The following VIPR2 variants were observed in gnomAD, a reference collection of about 807,000 sequenced individuals.
The protein encoded by VIPR2 is vasoactive intestinal peptide receptor 2, also known as vasoactive intestinal polypeptide receptor 2.
VIPR2 carries 48 observed loss-of-function variants against 58.0 expected under a neutral mutation model. The ratio of observed to expected loss-of-function variants is 0.83; its 90% CI spans 0.66 to 1.05. The LOEUF is 1.05. Among genes scored for constraint, VIPR2 ranks in the 50% least tolerant of loss-of-function variants. VIPR2 has a pLI of 0.00. For synonymous variants in VIPR2, 243 were observed against 235.2 expected, an observed-to-expected ratio of 1.03 and a Z score of -0.30; for missense variants, 534 against 558.0, an observed-to-expected ratio of 0.96 and a Z score of 0.43.
chr7:159,094,679 G>A (rs562035297), intron 4 of VIPR2, among the ~76,000 whole-genome samples: 3 of 152,212 alleles, frequency 2.0e-5, no homozygotes, highest in South Asian at 2.1e-4. Context: ...AAGATCCTGC[G>A]TGTACACGGC....
rs964663400 is a variant in VIPR2 at position 159,058,657 on chromosome 7, C to T, written c.358-79G>A. 3 of 1,110,306 alleles carry T rather than the reference C, an allele frequency of 2.7e-6. No homozygotes were observed. The African/African-American group carries it at 4.6e-5, about 17-fold the overall frequency. The allele number at this position is 1,110,306 out of a possible 1,614,324, so 68.8% of individuals were successfully genotyped here. A position where few individuals can be genotyped will look rare whatever the true frequency, so the allele number is the denominator to read the frequency against. ...AACAGGAATGGTTCCAGGATCCAGC[C>T]CTGTGCTCTGGCCATGAAGGACTCT... is the stretch of plus-strand genomic sequence containing the variant. On this transcript the variant is annotated intron_variant, in intron 4 of 12. Transcript: ENST00000262178.
At chr7:159,077,004 A>G (rs554408916) in intron 4 of VIPR2, among the ~76,000 whole-genome samples, 3 of 152,336 alleles carry the variant, frequency 2.0e-5, no homozygotes, top group Admixed American at 2.0e-4. Context: ...TTCAATGAGT[A>G]GAGATTGACT....
Position 159,142,483 on chromosome 7 carries a change from A to G in VIPR2, c.114T>C (p.Cys38=). ...CTGTTTGAGACCTCAGAAGCTCTGC[A>G]CATTTTGTTTCTTCCTCCTGTATTT... is the stretch of plus-strand genomic sequence containing the variant. The part of the protein sequence containing the change: ...HLEIQEEETK[C]AELLRSQTEK... Residue 38 remains cysteine, a synonymous_variant, in exon 2 of 13, where the codon TGT becomes TGC. Coordinates refer to ENST00000262178, the MANE Select transcript of VIPR2 (RefSeq NM_003382.5). The G allele has an allele frequency of 6.2e-7, 1 of 1,614,076 alleles. No homozygotes were observed. Among genetic ancestry groups the G allele is most frequent in the Non-Finnish European group, 8.5e-7 (1 of 1,179,986 alleles).
intron 3 of VIPR2, among the ~76,000 whole-genome samples, chr7:159,105,970 G>A (rs570727613): frequency 3.9e-4 from 59 of 152,342 alleles, no homozygotes; most frequent in African/African-American, 1.3e-3. Flanking sequence ...TGACACCACA[G>A]GAGGCAGCTC....
chr7:159,118,451 A>G (rs578234424), intron 2 of VIPR2, among the ~76,000 whole-genome samples: 16 of 152,344 alleles, frequency 1.1e-4, no homozygotes, highest in African/African-American at 3.8e-4. Flanking sequence ...GAGCAAGACC[A>G]AGGCGGGAGA....
intron 2 of VIPR2, among the ~76,000 whole-genome samples, chr7:159,132,907 G>C (rs1388841835): frequency 7.3e-6 from 1 of 137,876 alleles, no homozygotes; most frequent in Non-Finnish European, 1.6e-5. Flanking sequence ...CAGAATGATT[G>C]GCATACAGAT....
intron 2 of VIPR2, among the ~76,000 whole-genome samples, chr7:159,122,186 T>C (rs917877218): frequency 6.6e-6 from 1 of 152,228 alleles, no homozygotes; most frequent in Non-Finnish European, 1.5e-5. Flanking sequence ...GGCAGGATCA[T>C]GCACTGGGAA....
rs57781490 is a variant in VIPR2, at chr7:159,030,379, C to T, written c.*237G>A. On this transcript the variant is annotated 3_prime_UTR_variant, in exon 13 of 13. Coordinates refer to ENST00000262178, the MANE Select transcript of VIPR2 (RefSeq NM_003382.5). Reference sequence around the variant, plus strand: ...AAAAAAAAAAAGTGGATCCACTATACGGCTGAAACACATTTTGCACAAGAT... The same window carrying T: ...AAAAAAAAAAAGTGGATCCACTATATGGCTGAAACACATTTTGCACAAGAT... The T allele has an allele frequency of 5.0e-3, 2,116 of 422,300 alleles. 28 individuals are homozygous for T. Among genetic ancestry groups the T allele is most frequent in the African/African-American group, 0.039 (1,843 of 47,614 alleles). The allele number at this position is 422,300 out of a possible 1,614,324, so 26.2% of individuals were successfully genotyped here. A position where few individuals can be genotyped will look rare whatever the true frequency, so the allele number is the denominator to read the frequency against.
chr7:159,080,595 A>T (rs936975272), intron 4 of VIPR2, among the ~76,000 whole-genome samples: 2 of 152,240 alleles, frequency 1.3e-5, no homozygotes, highest in African/African-American at 4.8e-5. Flanking sequence ...CCTATTCAAC[A>T]TAGTGTTGGA....
chr7:159,108,307 C>T (rs1795851241), intron 3 of VIPR2, among the ~76,000 whole-genome samples: 1 of 152,256 alleles, frequency 6.6e-6, no homozygotes, highest in African/African-American at 2.4e-5. Context: ...TTTAATGCCC[C>T]AAAGATGAAT....
chr7:159,073,959 A>G (rs1856525667), intron 4 of VIPR2, among the ~76,000 whole-genome samples: 1 of 152,248 alleles, frequency 6.6e-6, no homozygotes, highest in Non-Finnish European at 1.5e-5. Flanking sequence ...TGATGGAATC[A>G]GAGCCCTGAC....
In VIPR2 at chr7:159,031,694, G is replaced by A; in HGVS notation, c.1143+134C>T. 1 of 1,538,618 alleles carries A rather than the reference G, an allele frequency of 6.5e-7. No homozygotes were observed. The highest frequency in any genetic ancestry group is 1.2e-5 in the South Asian group (1 of 80,628). ...TTGTGGGTTCTCTGATGGGGACACA[G>A]AACTGTGGGGTCCCGGGCAGTAACT... On this transcript the variant is annotated intron_variant, in intron 12 of 12. Coordinates refer to ENST00000262178, the MANE Select transcript of VIPR2 (RefSeq NM_003382.5). The surrounding 1 kb of genome is among the most constrained non-coding windows in gnomAD (Gnocchi z 4.0).
Position 159,103,788 on chromosome 7 carries a change from C to T in VIPR2, c.326G>A (p.Cys109Tyr). The T allele has an allele frequency of 2.5e-6, 4 of 1,614,196 alleles. No homozygotes were observed. The highest frequency in any genetic ancestry group is 3.4e-6 in the Non-Finnish European group (4 of 1,180,042). Reference sequence around the variant, plus strand: ...CTCATCCTCCGGGTCGCTGTAGCCACAGGCATCGACGAAATCTGGGAACGT... The same window carrying T: ...CTCATCCTCCGGGTCGCTGTAGCCATAGGCATCGACGAAATCTGGGAACGT... ...SETFPDFVDA[C>Y]GYSDPEDESK... Residue 109 changes from cysteine (C) to tyrosine (Y), a missense_variant, in exon 4 of 13, where the codon TGT (cysteine) becomes TAT (tyrosine). By Grantham distance (194) the Cys-to-Tyr change is radical. This residue lies in a region of VIPR2 where 224 missense variants were observed against 255.7 expected (regional missense o/e 0.88). Coordinates refer to ENST00000262178, the MANE Select transcript of VIPR2 (RefSeq NM_003382.5).
intron 2 of VIPR2, among the ~76,000 whole-genome samples, chr7:159,133,532 C>T (rs1281680561): frequency 6.6e-5 from 10 of 152,216 alleles, no homozygotes; most frequent in African/African-American, 2.4e-4. Context: ...TTTGGCCATC[C>T]GAACAGGTAA....
Position 159,030,522 on chromosome 7 carries a change from T to C in VIPR2, c.*94A>G. The stretch of plus-strand genomic sequence containing the variant: ...GACCGCGCTGACCTGCCCGACACGG[T>C]GCTCGGGCATCTGGAAGGAGGAAGC... On this transcript the variant is annotated 3_prime_UTR_variant, in exon 13 of 13. Coordinates refer to ENST00000262178, the MANE Select transcript of VIPR2 (RefSeq NM_003382.5). 7.0e-7 allele frequency: 1 copy of C among 1,425,872 alleles called. No individual in the cohort carries two copies. Among genetic ancestry groups the C allele is most frequent in the Non-Finnish European group, 9.3e-7 (1 of 1,077,096 alleles). The allele number at this position is 1,425,872 out of a possible 1,614,324, so 88.3% of individuals were successfully genotyped here.
intron 3 of VIPR2, among the ~76,000 whole-genome samples, chr7:159,104,369 C>T (rs1450161229): frequency 2.0e-5 from 3 of 149,220 alleles, no homozygotes; most frequent in African/African-American, 7.5e-5. Flanking sequence ...GACCAGATGC[C>T]CCACTGCTCC....
intron 4 of VIPR2, among the ~76,000 whole-genome samples, chr7:159,068,270 G>C (rs919659676): frequency 6.6e-6 from 1 of 152,108 alleles, no homozygotes. Flanking sequence ...GGGACTCAAG[G>C]CCTTTTAAAA....
intron 10 of VIPR2, among the ~76,000 whole-genome samples, chr7:159,033,836 TAAAC>T (rs764323166): frequency 1.3e-5 from 2 of 152,152 alleles, no homozygotes; most frequent in Non-Finnish European, 2.9e-5. Context: ...GGCGGATGCT[TAAAC>T]AAGCAAGTTC....
intron 2 of VIPR2, among the ~76,000 whole-genome samples, chr7:159,114,969 A>C (rs978827576): frequency 1.3e-5 from 2 of 152,246 alleles, no homozygotes; most frequent in Admixed American, 1.3e-4. Context: ...ATGTGTCATA[A>C]GTTGCAGCTA....
Sources: gnomAD v4.1 joint callset for allele counts (sites outside exome capture counted in the v4.1 genomes callset) on GRCh38, gnomAD v4.1.1 for gene constraint, gnomAD v4.1.1 regional missense constraint, Gnocchi (gnomAD v3.1) non-coding constraint, MANE v1.5 for transcripts, NCBI Gene and HGNC (gene_info 2026-07-23, HGNC 2026-07-21) for gene names.